The following CLIC5 variants were observed in gnomAD, a reference collection of about 807,000 sequenced individuals.
CLIC5 encodes the protein CLIC family member 5.
A neutral mutation model predicts 24.7 loss-of-function variants in CLIC5; 20 were observed. The observed-to-expected ratio is 0.81, with a 90% confidence interval of 0.57 to 1.18. The LOEUF is 1.18. Among genes scored for constraint, CLIC5 ranks in the 50% most tolerant of loss-of-function variants. CLIC5 has a pLI of 0.00. For synonymous variants in CLIC5, 159 were observed against 135.6 expected (o/e 1.17, Z -1.20); for missense variants, 341 against 326.1 (o/e 1.05, Z -0.35).
Position 45,922,825 on chromosome 6 carries a change from GAGAGAGAGAT to G in CLIC5, c.407-8426_407-8417del, listed in dbSNP as rs1156669939. Among the ~76,000 whole-genome samples, 21 of 147,956 alleles carry G rather than the reference GAGAGAGAGAT, an allele frequency of 1.4e-4. No individual in the cohort carries two copies. The East Asian group carries it at 3.4e-3, about 24-fold the overall frequency. On this transcript the variant is annotated intron_variant, in intron 4 of 5. Transcript: ENST00000339561. Reference sequence around the variant, plus strand: ...AGGGAGGAAGAGAGAGAGAGAGAAAGAGAGAGAGATAGAGAGAGAGAGAGAGAGAGAGACT... The same window carrying G: ...AGGGAGGAAGAGAGAGAGAGAGAAAGAGAGAGAGAGAGAGAGAGAGAGACT...
chr6:45,920,657 G>C (rs374256028), intron 4 of CLIC5: 2 of 975,980 alleles, frequency 2.0e-6, no homozygotes, highest in African/African-American at 1.8e-5. Context: ...TTACTCATCT[G>C]TTGGAAGAAG....
intron 4 of CLIC5, among the ~76,000 whole-genome samples, chr6:45,939,937 G>A (rs1035827401): frequency 6.6e-6 from 1 of 151,838 alleles, no homozygotes; most frequent in Admixed American, 6.6e-5. Context: ...AGAGCACCAA[G>A]TAGATTGAAA....
chr6:46,069,825 A>G (rs902773821), intron 1 of CLIC5, among the ~76,000 whole-genome samples: 4 of 152,206 alleles, frequency 2.6e-5, no homozygotes, highest in Admixed American at 6.5e-5. Flanking sequence ...AATCTTCCAC[A>G]AAATACTGGC....
chr6:46,075,943 T>G (rs1172583748), intron 1 of CLIC5, among the ~76,000 whole-genome samples: 1 of 152,176 alleles, frequency 6.6e-6, no homozygotes, highest in Non-Finnish European at 1.5e-5. Flanking sequence ...GCAAAATGCT[T>G]GGGCTTTCCC....
rs564816977 is a variant in CLIC5 at position 45,884,461 on chromosome 6, G to A, written c.624-3273C>T. Among the ~76,000 whole-genome samples the A allele has an allele frequency of 6.0e-4, 92 of 152,300 alleles. 1 individual carries two copies. The highest frequency in any genetic ancestry group is 1.2e-3 in the South Asian group (6 of 4,826). Reference sequence around the variant, plus strand: ...GCAGGACTTGGAAGAAGGGGGCAGCGGAATATGTACTTTCCGCTGATCAGG... The same window carrying A: ...GCAGGACTTGGAAGAAGGGGGCAGCAGAATATGTACTTTCCGCTGATCAGG... On this transcript the variant is annotated intron_variant, in intron 6 of 6. Coordinates refer to the CLIC5 transcript ENST00000644324.
At chr6:45,976,073 CAA>C (rs1282559564) in intron 1 of CLIC5, among the ~76,000 whole-genome samples, 16 of 152,102 alleles carry the variant, frequency 1.1e-4, no homozygotes, top group Admixed American at 2.0e-4. Flanking sequence ...CTGCCTATCA[CAA>C]AGAGTGACAG....
In CLIC5 at chr6:46,044,645, G is replaced by T. The variant is rs369611446; in HGVS notation, c.540+35058C>A. 1.2e-4 allele frequency among the ~76,000 whole-genome samples: 18 copies of T among 152,218 alleles called. No individual in the cohort carries two copies. The South Asian group carries it at 3.7e-3, about 32-fold the overall frequency. On this transcript the variant is annotated intron_variant, in intron 1 of 5. Transcript: ENST00000185206. ...AATGTAGGTTTCTTGGGGTGAGCCT[G>T]GATGAAAATGCTTCTGGGAACTTAC...
At chr6:45,915,992 C>G (rs1763017058) in intron 4 of CLIC5, among the ~76,000 whole-genome samples, 1 of 152,216 alleles carries the variant, frequency 6.6e-6, no homozygotes, top group Admixed American at 6.5e-5. Context: ...AAGGCGGACA[C>G]TGCCTTCTGG....
At chr6:45,955,322 C>A in intron 1 of CLIC5, 78 bp from the exon 2 acceptor site, 1 of 1,029,572 alleles carries the variant, frequency 9.7e-7, no homozygotes, top group Non-Finnish European at 1.5e-6. Context: ...CACCCAAATG[C>A]AGGTCTGAGG....
chr6:45,962,060 A>G (rs1374257904), intron 1 of CLIC5, among the ~76,000 whole-genome samples: 1 of 90,626 alleles, frequency 1.1e-5, no homozygotes, highest in Non-Finnish European at 2.3e-5. Flanking sequence ...ACATATATGT[A>G]CATACACACA....
intron 1 of CLIC5, among the ~76,000 whole-genome samples, chr6:46,007,231 C>T (rs1766618462): frequency 6.6e-6 from 1 of 152,238 alleles, no homozygotes; most frequent in African/African-American, 2.4e-5. Context: ...TCACAGGATA[C>T]ATAGGCTTTC....
At position 45,882,662 on chromosome 6, in the gene CLIC5, G is replaced by T. The variant is rs557136158; in HGVS notation, c.624-1474C>A. Among the ~76,000 whole-genome samples the T allele has an allele frequency of 5.9e-5, 9 of 152,308 alleles. No individual in the cohort carries two copies. The South Asian group carries it at 1.9e-3, about 32-fold the overall frequency. Reference sequence around the variant, plus strand: ...TTTTGTTTTATCACCCTTAAAATTAGAATGCTCCTTATAATTGATGATAAG... The same window carrying T: ...TTTTGTTTTATCACCCTTAAAATTATAATGCTCCTTATAATTGATGATAAG... On this transcript the variant is annotated intron_variant, in intron 6 of 6. Coordinates refer to the CLIC5 transcript ENST00000644324.
chr6:45,907,003 A>G lies in CLIC5; in HGVS notation c.589-3748T>C, dbSNP rs113955807. On this transcript the variant is annotated intron_variant, in intron 5 of 5. Coordinates refer to ENST00000339561, the MANE Select transcript of CLIC5 (RefSeq NM_016929.5). ...TGTGACTTCTTCTTTTCCTATTTGTATGCCTTTTATTTCTTTATCTTGCCT... is the reference window on the plus strand; with the variant it reads ...TGTGACTTCTTCTTTTCCTATTTGTGTGCCTTTTATTTCTTTATCTTGCCT... Among the ~76,000 whole-genome samples the G allele has an allele frequency of 7.3e-3, 1,104 of 152,264 alleles. 10 individuals carry two copies. Among genetic ancestry groups the G allele is most frequent in the African/African-American group, 0.024 (999 of 41,536 alleles).
intron 1 of CLIC5, among the ~76,000 whole-genome samples, chr6:46,000,538 T>C (rs562045855): frequency 1.3e-5 from 2 of 152,214 alleles, no homozygotes; most frequent in African/African-American, 4.8e-5. Flanking sequence ...TTTGTTTTCA[T>C]GCTGCTATGA....
At chr6:46,078,607 A>G (rs779797677) in intron 1 of CLIC5, among the ~76,000 whole-genome samples, 1 of 152,190 alleles carries the variant, frequency 6.6e-6, no homozygotes, top group Non-Finnish European at 1.5e-5. Context: ...CATATTATTC[A>G]TTACTTAAGA....
intron 1 of CLIC5, among the ~76,000 whole-genome samples, chr6:45,978,962 A>C (rs868397495): frequency 5.3e-5 from 8 of 150,270 alleles, no homozygotes; most frequent in African/African-American, 9.8e-5. Context: ...AAAAAAAAAA[A>C]CAGAAAATAA....
intron 1 of CLIC5, among the ~76,000 whole-genome samples, chr6:45,990,979 G>T (rs148329155): frequency 6.6e-6 from 1 of 152,170 alleles, no homozygotes; most frequent in African/African-American, 2.4e-5. Flanking sequence ...TCCATGTGAG[G>T]ATTAGATGAA....
At chr6:46,043,839 T>C (rs964419225) in intron 1 of CLIC5, among the ~76,000 whole-genome samples, 4 of 152,236 alleles carry the variant, frequency 2.6e-5, no homozygotes, top group African/African-American at 9.6e-5. Context: ...CAAGGAGCTC[T>C]CTGTATCTAA....
intron 1 of CLIC5, among the ~76,000 whole-genome samples, chr6:46,063,484 C>T (rs1212024782): frequency 6.6e-6 from 1 of 152,108 alleles, no homozygotes; most frequent in African/African-American, 2.4e-5. Flanking sequence ...GTTTGGAGTT[C>T]GGGAAGGTCA....
Sources: gnomAD v4.1 joint callset for allele counts (sites outside exome capture counted in the v4.1 genomes callset) on GRCh38, gnomAD v4.1.1 for gene constraint, MANE v1.5 for transcripts, NCBI Gene and HGNC (gene_info 2026-07-23, HGNC 2026-07-21) for gene names.